NSD2: variants seen among roughly 807,000 people sequenced by gnomAD.
NSD2 encodes histone-lysine N-methyltransferase NSD2.
NSD2 carries 12 observed loss-of-function variants against 139.0 expected under a neutral mutation model. The ratio of observed to expected loss-of-function variants is 0.09; its 90% confidence interval spans 0.06 to 0.14. NSD2 has a LOEUF of 0.14. Ranked by LOEUF, NSD2 falls within the 10% of genes least tolerant of loss-of-function variation. The probability of loss-of-function intolerance (pLI) is 1.00; values close to 1 mark genes in which losing one functional copy is unlikely to be tolerated. For synonymous variants in NSD2, 669 were observed against 648.7 expected (o/e 1.03, Z -0.48); for missense variants, 1,155 against 1,745.0 (o/e 0.66, Z 6.02).
At chr4:1,966,989 G>GT (rs1725953804) in intron 18 of NSD2, among the ~76,000 whole-genome samples, 1 of 152,060 alleles carries the variant, frequency 6.6e-6, no homozygotes, top group African/African-American at 2.4e-5. Context: ...CCAAAAGTTT[G>GT]TTTTTTAAAA....
rs535059908 is a variant in NSD2 at position 1,981,928 on chromosome 4, C to T, written c.*3019C>T. On this transcript the variant is annotated 3_prime_UTR_variant, in exon 22 of 22. Coordinates refer to ENST00000508803, the MANE Select transcript of NSD2 (RefSeq NM_001042424.3). ...TACCCTGTTGAGGTGTGAAATGCCC[C>T]GTCAGAAATTAAATACAAACTTAAA... 31 of 398,500 alleles carry T rather than the reference C, an allele frequency of 7.8e-5. No individual in the cohort carries two copies. Among genetic ancestry groups the T allele is most frequent in the Middle Eastern group, 1.3e-3 (2 of 1,588 alleles). The allele number at this position is 398,500 out of a possible 1,614,324, so 24.7% of individuals were successfully genotyped here.
intron 1 of NSD2, among the ~76,000 whole-genome samples, chr4:1,883,132 T>C (rs1284824319): frequency 6.6e-6 from 1 of 152,112 alleles, no homozygotes; most frequent in Non-Finnish European, 1.5e-5. Flanking sequence ...TAGCCCTAAG[T>C]TTTTGTCTGA....
At position 1,877,636 on chromosome 4, in the gene NSD2, T is replaced by C. The variant is rs141116289; in HGVS notation, c.-30+6094T>C. Among the ~76,000 whole-genome samples the C allele has an allele frequency of 1.2e-4, 19 of 152,290 alleles. No individual in the cohort carries two copies. In the East Asian group the frequency reaches 3.5e-3, roughly 28 times the overall value. ...ATGCTGTGCCTGACTCCTGCCTGTT[T>C]TGGGAGGCTCTTGTCTTTTCCATCG... is the stretch of plus-strand genomic sequence containing the variant. On this transcript the variant is annotated intron_variant, in intron 1 of 21. Coordinates refer to ENST00000508803, the MANE Select transcript of NSD2 (RefSeq NM_001042424.3).
chr4:1,952,821 G>T, intron 11 of NSD2: 1 of 1,204,406 alleles, frequency 8.3e-7, no homozygotes, highest in Non-Finnish European at 1.0e-6. Flanking sequence ...GGCCCTTCCT[G>T]CCTACTCACC....
rs1271786034 is a variant in NSD2, at chr4:1,974,515, G to C, written c.3373-348G>C. 7.4e-6 allele frequency: 3 copies of C among 406,528 alleles called. No individual in the cohort carries two copies. Among genetic ancestry groups the C allele is most frequent in the African/African-American group, 6.1e-5 (3 of 49,296 alleles). The allele number at this position is 406,528 out of a possible 1,614,324, so 25.2% of individuals were successfully genotyped here. On this transcript the variant is annotated intron_variant, in intron 18 of 21. Coordinates refer to ENST00000508803, the MANE Select transcript of NSD2 (RefSeq NM_001042424.3). The surrounding 1 kb of genome is among the most constrained non-coding windows in gnomAD (Gnocchi z 4.0). Reference sequence around the variant, plus strand: ...AGGCGTGAGCCACTGCGCCCAGCCAGGGTGAGTCTTGTTCTTGTCCTTGAG... The same window carrying C: ...AGGCGTGAGCCACTGCGCCCAGCCACGGTGAGTCTTGTTCTTGTCCTTGAG...
At chr4:1,917,851 G>T (rs1276246164) in intron 4 of NSD2, among the ~76,000 whole-genome samples, 3 of 147,714 alleles carry the variant, frequency 2.0e-5, no homozygotes, top group African/African-American at 7.5e-5. Context: ...GCGTGGTCTC[G>T]GGTTACTGCA....
rs1423536253 is a variant in NSD2, at chr4:1,951,017, G to A, written c.1882-55G>A. The A allele has an allele frequency of 4.4e-6, 7 of 1,600,596 alleles. No homozygotes were observed. In the East Asian group the frequency reaches 1.6e-4, roughly 36 times the overall value. On this transcript the variant is annotated intron_variant, in intron 9 of 21. Transcript: ENST00000508803. ...GGGACGAGCCTGCCTGCAGGGCATG[G>A]CCACCCGCTGTGTTCTGCGACTAGT...
At chr4:1,891,856 C>CAAA (rs74332369) in intron 1 of NSD2, among the ~76,000 whole-genome samples, 1 of 59,188 alleles carries the variant, frequency 1.7e-5, no homozygotes, top group Non-Finnish European at 3.5e-5. Flanking sequence ...GACTCCATCT[C>CAAA]AAAAAAAAAA....
chr4:1,934,904 TATATAA>T (rs1182400809), intron 6 of NSD2, among the ~76,000 whole-genome samples: 110 of 103,620 alleles, frequency 1.1e-3, no homozygotes, highest in Middle Eastern at 5.6e-3. Flanking sequence ...TATATATATA[TATATAA>T]AAAACAGATA....
chr4:1,905,729 A>G lies in NSD2; in HGVS notation c.760+1351A>G, dbSNP rs140730982. On this transcript the variant is annotated intron_variant, in intron 3 of 21. Coordinates refer to ENST00000508803, the MANE Select transcript of NSD2 (RefSeq NM_001042424.3). ...CTGCCCTGGCCTCCTGTCCTGTGCC[A>G]TGTGTGCTCTGCAGGAGTTGTGGCA... Among the ~76,000 whole-genome samples the G allele has an allele frequency of 2.2e-4, 34 of 152,266 alleles. No homozygotes were observed. The East Asian group carries it at 3.5e-3, about 16-fold the overall frequency.
At chr4:1,908,074 C>G (rs1718177728) in intron 3 of NSD2, among the ~76,000 whole-genome samples, 2 of 152,106 alleles carry the variant, frequency 1.3e-5, no homozygotes, top group Non-Finnish European at 2.9e-5. Context: ...AGGGCGTGTC[C>G]CCAGCAGGCC....
In NSD2 at chr4:1,955,542, T is replaced by C; in HGVS notation, c.2519-151T>C. On this transcript the variant is annotated intron_variant, in intron 13 of 21. Coordinates refer to ENST00000508803, the MANE Select transcript of NSD2 (RefSeq NM_001042424.3). This position sits in a 1 kb window ranked among gnomAD's most constrained non-coding sequence, Gnocchi z 4.7. ...TACAGGAAATTATTTGTGGTGAAAA[T>C]GACATTTGCTCTCGTGCTGATGTAC... The C allele has an allele frequency of 8.1e-7, 1 of 1,235,626 alleles. No individual in the cohort carries two copies. 76.5% of individuals were successfully genotyped at this position (1,235,626 alleles called of 1,614,324 possible). A position where few individuals can be genotyped will look rare whatever the true frequency, so the allele number is the denominator to read the frequency against.
At chr4:1,970,095 C>T (rs1302901474) in intron 18 of NSD2, among the ~76,000 whole-genome samples, 2 of 152,126 alleles carry the variant, frequency 1.3e-5, no homozygotes. Context: ...TGGGCAGGGG[C>T]TGCTGAGGAG....
chr4:1,930,176 C>T (rs1345609666), intron 5 of NSD2, among the ~76,000 whole-genome samples: 1 of 152,114 alleles, frequency 6.6e-6, no homozygotes, highest in African/African-American at 2.4e-5. Flanking sequence ...TGTGCCTTCA[C>T]CCCTGCCCAG....
At position 1,901,207 on chromosome 4, in the gene NSD2, G is replaced by A; in HGVS notation, c.553G>A (p.Glu185Lys). 4 of 1,601,028 alleles carry A rather than the reference G, an allele frequency of 2.5e-6. No homozygotes were observed. Among genetic ancestry groups the A allele is most frequent in the African/African-American group, 2.7e-5 (2 of 74,296 alleles). Residue 185 changes from glutamate (E) to lysine (K), a missense_variant, in exon 2 of 22, where the codon GAA (glutamate) becomes AAA (lysine). By Grantham distance (56) the Glu-to-Lys change is moderately conservative (BLOSUM62 1). Coordinates refer to ENST00000508803, the MANE Select transcript of NSD2 (RefSeq NM_001042424.3). Reference protein sequence around the residue: ...YDSLLEQGLVEAALVSKISSP... With the variant: ...YDSLLEQGLVKAALVSKISSP... ...CTCCTTGCTGGAGCAGGGCCTTGTC[G>A]AAGCAGCTCTTGTGTCTAAGATCTC...
At position 1,956,045 on chromosome 4, in the gene NSD2, A is replaced by C; in HGVS notation, c.2738A>C (p.His913Pro). 6.2e-7 allele frequency: 1 copy of C among 1,614,062 alleles called. No individual in the cohort carries two copies. Among genetic ancestry groups the C allele is most frequent in the Non-Finnish European group, 8.5e-7 (1 of 1,180,024 alleles). Residue 913 changes from histidine to proline, a missense_variant, in exon 15 of 22, where the codon CAC becomes CCC. By Grantham distance (77) the His-to-Pro change is moderately conservative. Transcript: ENST00000508803. The surrounding 1 kb of genome is among the most constrained non-coding windows in gnomAD (Gnocchi z 5.3). ...NVPPNIQKMK[H>P]EIGEFPVFFF... is the part of the protein sequence containing the mutation. The stretch of plus-strand genomic sequence containing the variant: ...CCCCCAAATATTCAGAAAATGAAGC[A>C]CGAGATTGGAGAATTCCCTGTGTTT...
chr4:1,980,131 T>C lies in NSD2; in HGVS notation c.*1222T>C, dbSNP rs1727611320. 4.3e-6 allele frequency: 1 copy of C among 233,426 alleles called. No homozygotes were observed. The highest frequency in any genetic ancestry group is 6.0e-5 in the East Asian group (1 of 16,598). The allele number at this position is 233,426 out of a possible 1,614,324, so 14.5% of individuals were successfully genotyped here. On this transcript the variant is annotated 3_prime_UTR_variant, in exon 22 of 22. Coordinates refer to ENST00000508803, the MANE Select transcript of NSD2 (RefSeq NM_001042424.3). ...GGCCTGCCTGGCAGGTGTGCGTGCC[T>C]CGTACGTGTGTTATGGGCACTGGTC...
At chr4:1,922,799 G>C (rs569788506) in intron 5 of NSD2, among the ~76,000 whole-genome samples, 2 of 152,172 alleles carry the variant, frequency 1.3e-5, no homozygotes, top group Non-Finnish European at 2.9e-5. Context: ...GGTGGCAGGC[G>C]CCTGTAATCC....
At chr4:1,927,313 G>T (rs1472767626) in intron 5 of NSD2, among the ~76,000 whole-genome samples, 1 of 152,160 alleles carries the variant, frequency 6.6e-6, no homozygotes, top group Non-Finnish European at 1.5e-5. Flanking sequence ...AGCAGTAGTG[G>T]GGGCTTGAGC....
Sources: gnomAD v4.1 joint callset for allele counts (sites outside exome capture counted in the v4.1 genomes callset) on GRCh38, gnomAD v4.1.1 for gene constraint, Gnocchi (gnomAD v3.1) non-coding constraint, MANE v1.5 for transcripts, NCBI Gene and HGNC (gene_info 2026-07-23, HGNC 2026-07-21) for gene names.